LVRN: variants seen among roughly 807,000 people sequenced by gnomAD.
LVRN encodes aminopeptidase Q.
LVRN carries 99 observed loss-of-function variants against 111.4 expected under a neutral mutation model. The ratio of observed to expected loss-of-function variants is 0.89; its 90% CI spans 0.76 to 1.05. The LOEUF (loss-of-function observed/expected upper bound fraction) is 1.05. Among genes scored for constraint, LVRN ranks in the 50% least tolerant of loss-of-function variants. The pLI, the probability that LVRN is intolerant of heterozygous loss-of-function variation, is 0.00. For missense variants in LVRN, 1,414 were observed against 1,206.8 expected, an observed-to-expected ratio of 1.17 and a Z score of -2.54; for synonymous variants, 488 against 449.5, an observed-to-expected ratio of 1.09 and a Z score of -1.08.
intron 6 of LVRN, among the ~76,000 whole-genome samples, chr5:115,999,361 G>T (rs927356290): frequency 1.3e-5 from 2 of 151,860 alleles, no homozygotes; most frequent in African/African-American, 4.8e-5. Context: ...CTTTTGGTTT[G>T]TAAATATTCA....
In LVRN at chr5:116,001,212, T is replaced by C; in HGVS notation, c.1793T>C (p.Ile598Thr). Residue 598 changes from isoleucine to threonine, a missense_variant, in exon 10 of 20, where the codon ATT (isoleucine) becomes ACT (threonine). By Grantham distance (89) the Ile-to-Thr change is moderately conservative. Transcript: ENST00000357872. ...MKQEPFYLENIKNRTLLTSND... is the reference protein window; with the variant it reads ...MKQEPFYLENTKNRTLLTSND... ...CAGGAGCCATTTTATCTTGAAAACA[T>C]TAAAAATCGGACTCTTCTAACCAGC... is the stretch of plus-strand genomic sequence containing the variant. 6.2e-7 allele frequency: 1 copy of C among 1,613,672 alleles called. No individual in the cohort carries two copies. Among genetic ancestry groups the C allele is most frequent in the Non-Finnish European group, 8.5e-7 (1 of 1,179,904 alleles).
At chr5:116,025,087 A>G (rs1165042201) in intron 19 of LVRN, among the ~76,000 whole-genome samples, 1 of 152,132 alleles carries the variant, frequency 6.6e-6, no homozygotes, top group African/African-American at 2.4e-5. Flanking sequence ...ACAGGAGCCC[A>G]ATCCTGGGCA....
At position 116,027,336 on chromosome 5, in the gene LVRN, A is replaced by G. The variant is rs1004305579; in HGVS notation, c.*1218A>G. The G allele has an allele frequency of 1.3e-5, 2 of 152,226 alleles. No homozygotes were observed. The highest frequency in any genetic ancestry group is 2.9e-5 in the Non-Finnish European group (2 of 68,036). The allele number at this position is 152,226 out of a possible 1,614,324, so 9.4% of individuals were successfully genotyped here. A position where few individuals can be genotyped will look rare whatever the true frequency, so the allele number is the denominator to read the frequency against. ...AATTAACAGTCTTTAAAGATGTTACATACGCTCAAAGCAATGTGATTAAGA... is the reference window on the plus strand; with the variant it reads ...AATTAACAGTCTTTAAAGATGTTACGTACGCTCAAAGCAATGTGATTAAGA... On this transcript the variant is annotated 3_prime_UTR_variant, in exon 20 of 20. Transcript: ENST00000357872.
intron 13 of LVRN, among the ~76,000 whole-genome samples, chr5:116,008,425 A>G (rs1748421665): frequency 6.6e-6 from 1 of 152,180 alleles, no homozygotes; most frequent in Non-Finnish European, 1.5e-5. Flanking sequence ...TGAAAGGGGG[A>G]GTCCTGAATC....
intron 4 of LVRN, among the ~76,000 whole-genome samples, chr5:115,988,791 A>G (rs1288680636): frequency 6.6e-6 from 1 of 152,128 alleles, no homozygotes; most frequent in East Asian, 1.9e-4. Context: ...TCCTGGAGGA[A>G]ACACCTATCA....
intron 18 of LVRN, 76 bp downstream of exon 18, chr5:116,015,841 G>A: frequency 6.5e-7 from 1 of 1,548,568 alleles, no homozygotes; most frequent in South Asian, 1.2e-5. Flanking sequence ...AGTCTAGCTT[G>A]GAAGCTCAGC....
intron 6 of LVRN, among the ~76,000 whole-genome samples, chr5:115,996,733 C>G (rs1748121709): frequency 6.6e-6 from 1 of 152,182 alleles, no homozygotes; most frequent in Non-Finnish European, 1.5e-5. Context: ...CACTCACTGA[C>G]TTTCCTCCAC....
chr5:116,003,001 A>G, intron 11 of LVRN, 90 bp downstream of exon 11: 1 of 1,147,474 alleles, frequency 8.7e-7, no homozygotes, highest in South Asian at 1.5e-5. Context: ...TTGAAAAGCC[A>G]TTTCATTTCA....
At chr5:115,999,926 T>C in intron 7 of LVRN, 24 bp downstream of exon 7, 1 of 1,598,556 alleles carries the variant, frequency 6.3e-7, no homozygotes, top group South Asian at 1.1e-5. Context: ...GAAATTTCCT[T>C]TGGTTTTGTA....
intron 18 of LVRN, among the ~76,000 whole-genome samples, chr5:116,017,904 A>G (rs1397900573): frequency 6.6e-6 from 1 of 152,152 alleles, no homozygotes; most frequent in Non-Finnish European, 1.5e-5. Flanking sequence ...AATTTATAAC[A>G]TCCCTCAGCA....
chr5:116,023,975 G>C (rs1169636351), intron 19 of LVRN, among the ~76,000 whole-genome samples: 1 of 152,186 alleles, frequency 6.6e-6, no homozygotes, highest in African/African-American at 2.4e-5. Flanking sequence ...TTTAAAATTT[G>C]TGTAGCAACA....
chr5:115,966,842 T>G (rs886814247), intron 1 of LVRN, among the ~76,000 whole-genome samples: 4 of 152,242 alleles, frequency 2.6e-5, no homozygotes, highest in Admixed American at 6.5e-5. Context: ...GCTGTCCTGA[T>G]AGGTGTATGG....
In LVRN at chr5:115,962,932, G is replaced by C; in HGVS notation, c.315G>C (p.Leu105=). 1 of 1,613,036 alleles carries C rather than the reference G, an allele frequency of 6.2e-7. No individual in the cohort carries two copies. The highest frequency in any genetic ancestry group is 8.5e-7 in the Non-Finnish European group (1 of 1,179,762). ...GCCTGCCGCCCTGGCTCGTGCCGCT[G>C]CACTACGATCTGGAGCTGTGGCCGC... The part of the protein sequence containing the change: ...QLRLPPWLVP[L]HYDLELWPQL... Residue 105 remains leucine, a synonymous_variant, in exon 1 of 20, where the codon CTG becomes CTC. Coordinates refer to ENST00000357872, the MANE Select transcript of LVRN (RefSeq NM_173800.5).
Position 116,010,738 on chromosome 5 carries a change from C to G in LVRN, c.2094-3C>G. The G allele has an allele frequency of 6.3e-7, 1 of 1,582,784 alleles. No homozygotes were observed. Among genetic ancestry groups the G allele is most frequent in the Non-Finnish European group, 8.6e-7 (1 of 1,165,722 alleles). On this transcript the variant is annotated splice_region_variant and splice_polypyrimidine_tract_variant and intron_variant, in intron 13 of 19. Transcript: ENST00000357872. ...TGAGTGTGTGTGTTTTTAAATCAAA[C>G]AGAAACAATTATATTGAGATTGAAA... is the stretch of plus-strand genomic sequence containing the variant.
chr5:115,995,938 G>C (rs1748097428), intron 6 of LVRN, among the ~76,000 whole-genome samples: 1 of 114,216 alleles, frequency 8.8e-6, no homozygotes, highest in Admixed American at 9.9e-5. Context: ...TTATCCTCAA[G>C]AAGCTAATCG....
At chr5:116,004,014 C>A (rs1748302061) in intron 12 of LVRN, among the ~76,000 whole-genome samples, 1 of 152,108 alleles carries the variant, frequency 6.6e-6, no homozygotes. Context: ...GGTTCCATTT[C>A]TTCATTTTAA....
intron 3 of LVRN, among the ~76,000 whole-genome samples, chr5:115,985,541 AC>A (rs901424068): frequency 6.6e-6 from 1 of 152,206 alleles, no homozygotes; most frequent in African/African-American, 2.4e-5. Flanking sequence ...ATGAGTTAAC[AC>A]ATTAACTAGA....
chr5:116,015,761 A>G lies in LVRN; in HGVS notation c.2752A>G (p.Lys918Glu), dbSNP rs200776123. The stretch of plus-strand genomic sequence containing the variant: ...AGTCAACAACTGGCAAGCTGTGAGT[A>G]AAAGGTAAGAAGGAAAGTGAGACCT... ...FLVNNWQAVSKRYGTQSLINL... is the reference protein window; with the variant it reads ...FLVNNWQAVSERYGTQSLINL... Residue 918 changes from lysine to glutamate, a missense_variant, in exon 18 of 20, where the codon AAA becomes GAA. Transcript: ENST00000357872. 260 of 1,613,038 alleles carry G rather than the reference A, an allele frequency of 1.6e-4. No individual in the cohort carries two copies. Among genetic ancestry groups the G allele is most frequent in the Non-Finnish European group, 2.2e-4 (254 of 1,179,422 alleles).
chr5:116,016,546 A>G (rs576279116), intron 18 of LVRN, among the ~76,000 whole-genome samples: 16 of 152,192 alleles, frequency 1.1e-4, no homozygotes, highest in Non-Finnish European at 2.2e-4. Context: ...GCTACTTACG[A>G]AGATGGGGAT....
Sources: gnomAD v4.1 joint callset for allele counts (sites outside exome capture counted in the v4.1 genomes callset) on GRCh38, gnomAD v4.1.1 for gene constraint, MANE v1.5 for transcripts, NCBI Gene and HGNC (gene_info 2026-07-23, HGNC 2026-07-21) for gene names.